ADAMTS18: variants seen among roughly 807,000 people sequenced by gnomAD.
The protein encoded by ADAMTS18 is ADAM metallopeptidase with thrombospondin type 1 motif 18.
ADAMTS18 carries 157 observed loss-of-function variants against 165.9 expected under a neutral mutation model. The ratio of observed to expected loss-of-function variants is 0.95; its 90% CI spans 0.83 to 1.08. The LOEUF (loss-of-function observed/expected upper bound fraction) is 1.08, where lower values mean the gene tolerates loss of function less well. Among genes scored for constraint, ADAMTS18 ranks in the 50% least tolerant of loss-of-function variants. The probability of loss-of-function intolerance (pLI) is 0.00; values close to 1 mark genes in which losing one functional copy is unlikely to be tolerated. For synonymous variants in ADAMTS18, 782 were observed against 578.2 expected (o/e 1.35, Z -5.06); for missense variants, 2,040 against 1,534.0 (o/e 1.33, Z -5.51).
chr16:77,346,212 C>T (rs909893075), intron 10 of ADAMTS18, among the ~76,000 whole-genome samples: 2 of 152,198 alleles, frequency 1.3e-5, no homozygotes, highest in Admixed American at 6.5e-5. Flanking sequence ...TTATTCCAAA[C>T]TTACTTAGCA....
Position 77,283,735 on chromosome 16 carries a change from C to T in ADAMTS18, c.*221G>A. The T allele has an allele frequency of 1.8e-6, 1 of 546,090 alleles. No individual in the cohort carries two copies. Among genetic ancestry groups the T allele is most frequent in the Non-Finnish European group, 3.3e-6 (1 of 303,942 alleles). 33.8% of individuals were successfully genotyped at this position (546,090 alleles called of 1,614,324 possible). ...AGATTTTTTTTAAAGTCAGATTTGT[C>T]ATCGCTTCCCATTTTCAAGTGCTTC... is the stretch of plus-strand genomic sequence containing the variant. On this transcript the variant is annotated 3_prime_UTR_variant, in exon 23 of 23. Transcript: ENST00000282849.
At position 77,356,161 on chromosome 16, in the gene ADAMTS18, G is replaced by T. The variant is rs535810046; in HGVS notation, c.1323-84C>A. ...ATCTGAGGAAGAATAAAGATGTATT[G>T]ATCATCAACAAAACCAAGTGAGAGA... is the stretch of plus-strand genomic sequence containing the variant. On this transcript the variant is annotated intron_variant, in intron 8 of 22. Transcript: ENST00000282849. 53 of 1,570,432 alleles carry T rather than the reference G, an allele frequency of 3.4e-5. No homozygotes were observed. In the South Asian group the frequency reaches 5.5e-4, roughly 16 times the overall value.
chr16:77,355,861 T>G, intron 9 of ADAMTS18, 79 bp downstream of exon 9: 4 of 1,535,670 alleles, frequency 2.6e-6, no homozygotes, highest in Non-Finnish European at 3.6e-6. Context: ...TTCCACTGAG[T>G]ATTCGTTTGC....
At chr16:77,355,816 T>C (rs2056620941) in intron 9 of ADAMTS18, 124 bp downstream of exon 9, 2 of 1,159,014 alleles carry the variant, frequency 1.7e-6, no homozygotes, top group Non-Finnish European at 2.6e-6. Context: ...ATCATCATCA[T>C]TTGTCTTTCT....
At chr16:77,347,192 A>C (rs1049454131) in intron 10 of ADAMTS18, among the ~76,000 whole-genome samples, 4 of 152,112 alleles carry the variant, frequency 2.6e-5, no homozygotes, top group African/African-American at 9.7e-5. Context: ...TTGCACATTC[A>C]CCTTTTGCAG....
At chr16:77,314,202 C>G (rs758060441) in intron 16 of ADAMTS18, among the ~76,000 whole-genome samples, 1 of 152,102 alleles carries the variant, frequency 6.6e-6, no homozygotes, top group Non-Finnish European at 1.5e-5. Context: ...GTTAACTCAA[C>G]GATCAAGGCT....
At chr16:77,322,792 C>T (rs975154477) in intron 13 of ADAMTS18, among the ~76,000 whole-genome samples, 1 of 152,144 alleles carries the variant, frequency 6.6e-6, no homozygotes, top group African/African-American at 2.4e-5. Flanking sequence ...TGATGGTCAG[C>T]CACTGACAAT....
chr16:77,388,225 G>C (rs1368099002), intron 3 of ADAMTS18, among the ~76,000 whole-genome samples: 1 of 152,106 alleles, frequency 6.6e-6, no homozygotes, highest in Non-Finnish European at 1.5e-5. Context: ...TCAGCCTCCT[G>C]AGTCGCTGAG....
At chr16:77,395,033 T>C (rs956522220) in intron 3 of ADAMTS18, among the ~76,000 whole-genome samples, 1 of 152,174 alleles carries the variant, frequency 6.6e-6, no homozygotes, top group African/African-American at 2.4e-5. Flanking sequence ...AGTGGGACTA[T>C]GGATGATCTT....
intron 12 of ADAMTS18, among the ~76,000 whole-genome samples, chr16:77,334,642 G>GTA (rs1211888765): frequency 2.8e-5 from 3 of 109,016 alleles, no homozygotes; most frequent in Non-Finnish European, 5.1e-5. Flanking sequence ...AGTATATAGT[G>GTA]TATATACACT....
chr16:77,434,250 A>AG (rs1420388796), intron 2 of ADAMTS18, among the ~76,000 whole-genome samples, 168 bp downstream of exon 2: 5 of 152,036 alleles, frequency 3.3e-5, no homozygotes, highest in African/African-American at 1.2e-4. Context: ...TCTTTTGATA[A>AG]GTTCAGTCCT....
At chr16:77,351,290 C>T (rs2056552053) in intron 10 of ADAMTS18, among the ~76,000 whole-genome samples, 3 of 152,226 alleles carry the variant, frequency 2.0e-5, no homozygotes, top group Admixed American at 2.0e-4. Context: ...TTCTCACCTT[C>T]CCTGTCCTTG....
chr16:77,430,188 T>C (rs891919430), intron 3 of ADAMTS18, among the ~76,000 whole-genome samples: 1 of 150,904 alleles, frequency 6.6e-6, no homozygotes, highest in South Asian at 2.1e-4. Flanking sequence ...AAACAAGATA[T>C]AGTCATGTGT....
At chr16:77,322,042 C>G (rs1396915094) in intron 14 of ADAMTS18, among the ~76,000 whole-genome samples, 1 of 150,838 alleles carries the variant, frequency 6.6e-6, no homozygotes, top group Non-Finnish European at 1.5e-5. Flanking sequence ...GTAATCCCAG[C>G]TACTCAGGAG....
chr16:77,369,128 G>C (rs1445003464), intron 3 of ADAMTS18, among the ~76,000 whole-genome samples: 1 of 152,160 alleles, frequency 6.6e-6, no homozygotes, highest in African/African-American at 2.4e-5. Context: ...AAACCTGCTG[G>C]ATCAAAGTCT....
chr16:77,372,876 T>C (rs779649144), intron 3 of ADAMTS18, among the ~76,000 whole-genome samples: 1 of 152,176 alleles, frequency 6.6e-6, no homozygotes, highest in African/African-American at 2.4e-5. Flanking sequence ...AGAGTCCTTG[T>C]CCAGCACTAA....
intron 2 of ADAMTS18, among the ~76,000 whole-genome samples, chr16:77,432,868 A>C (rs1314807130): frequency 2.0e-5 from 3 of 152,040 alleles, no homozygotes; most frequent in Non-Finnish European, 2.9e-5. Context: ...AATTCTCCAC[A>C]ATAGACAATA....
intron 18 of ADAMTS18, among the ~76,000 whole-genome samples, chr16:77,296,694 C>T (rs1311365388): frequency 1.3e-5 from 2 of 152,124 alleles, no homozygotes; most frequent in African/African-American, 4.8e-5. Context: ...GTGACGTGCA[C>T]CTGTAATCCC....
chr16:77,411,430 G>C (rs7206073), intron 3 of ADAMTS18, among the ~76,000 whole-genome samples: 3 of 152,122 alleles, frequency 2.0e-5, no homozygotes, highest in African/African-American at 7.2e-5. Context: ...TATTTCATGA[G>C]TCAGTAGATA....
Sources: gnomAD v4.1 joint callset for allele counts (sites outside exome capture counted in the v4.1 genomes callset) on GRCh38, gnomAD v4.1.1 for gene constraint, MANE v1.5 for transcripts, NCBI Gene and HGNC (gene_info 2026-07-23, HGNC 2026-07-21) for gene names.